CEP85L: variants seen among roughly 807,000 people sequenced by gnomAD.
CEP85L encodes the protein centrosomal protein of 85 kDa-like.
CEP85L carries 60 observed loss-of-function variants against 100.3 expected under a neutral mutation model. That is an observed-to-expected ratio of 0.60 (90% CI 0.49 to 0.74). The LOEUF (loss-of-function observed/expected upper bound fraction) is 0.74, where lower values mean the gene tolerates loss of function less well. CEP85L is among the 30% of genes least tolerant of loss of function. The pLI, the probability that CEP85L is intolerant of heterozygous loss-of-function variation, is 0.00. For missense variants in CEP85L, 973 were observed against 936.2 expected (o/e 1.04, Z -0.51); for synonymous variants, 319 against 322.7 (o/e 0.99, Z 0.12).
chr6:118,565,993 T>C lies in CEP85L; in HGVS notation c.556A>G (p.Ile186Val), dbSNP rs769720109. The change falls in exon 3 of 13, where the codon ATA becomes GTA. Residue 186 changes from isoleucine (I) to valine (V), a missense_variant. By Grantham distance (29) the Ile-to-Val change is conservative. This residue lies in a region of CEP85L where 890 missense variants were observed against 844.5 expected (regional missense o/e 1.05). Coordinates refer to ENST00000368491, the MANE Select transcript of CEP85L (RefSeq NM_001042475.3). ...GATGTTAAAGCCTTAGCCTTCCCTA[T>C]CTTCTCCAAACCATTCCTTGACTCT... ...REESRNGLEKIGKAKALTSQL... is the reference protein window; with the variant it reads ...REESRNGLEKVGKAKALTSQL... 3.2e-5 allele frequency: 51 copies of C among 1,614,104 alleles called. No homozygotes were observed. In the South Asian group the frequency reaches 5.5e-4, roughly 17 times the overall value.
chr6:118,660,548 A>G (rs1431423850), intron 1 of CEP85L, among the ~76,000 whole-genome samples: 1 of 152,234 alleles, frequency 6.6e-6, no homozygotes, highest in Non-Finnish European at 1.5e-5. Context: ...AAAGAGCCAG[A>G]TAACTTTCCC....
chr6:118,643,884 C>G (rs184135866), intron 1 of CEP85L, among the ~76,000 whole-genome samples: 29 of 152,326 alleles, frequency 1.9e-4, no homozygotes, highest in African/African-American at 6.7e-4. Flanking sequence ...CTGGTCAAGA[C>G]TTGGCCACTG....
intron 2 of CEP85L, among the ~76,000 whole-genome samples, chr6:118,582,489 G>A (rs1397340282): frequency 6.6e-6 from 1 of 152,190 alleles, no homozygotes; most frequent in Non-Finnish European, 1.5e-5. Context: ...AGGAGAAAAA[G>A]AGGAGACAAG....
chr6:118,473,416 G>T (rs1434536540), intron 10 of CEP85L, among the ~76,000 whole-genome samples: 2 of 152,102 alleles, frequency 1.3e-5, no homozygotes, highest in African/African-American at 4.8e-5. Flanking sequence ...AAGGTTCTGG[G>T]ACAGATGGTG....
chr6:118,553,169 T>C (rs1778649217), intron 3 of CEP85L, among the ~76,000 whole-genome samples: 1 of 151,388 alleles, frequency 6.6e-6, no homozygotes, highest in South Asian at 2.1e-4. Context: ...TTTGTATGCT[T>C]TCCATCGAAA....
chr6:118,606,270 C>T (rs972124198), intron 2 of CEP85L, among the ~76,000 whole-genome samples: 1 of 152,134 alleles, frequency 6.6e-6, no homozygotes, highest in African/African-American at 2.4e-5. Flanking sequence ...ATATTTCTAG[C>T]TTCTGAACTT....
At chr6:118,646,795 T>C in intron 1 of CEP85L, 1 of 330,738 alleles carries the variant, frequency 3.0e-6, no homozygotes, top group Non-Finnish European at 4.3e-6. Flanking sequence ...TCATCATCTT[T>C]TCAGAGTATA....
At chr6:118,519,248 G>A (rs1263101674) in intron 4 of CEP85L, among the ~76,000 whole-genome samples, 1 of 152,066 alleles carries the variant, frequency 6.6e-6, no homozygotes, top group Non-Finnish European at 1.5e-5. Flanking sequence ...GAGGTCAGAA[G>A]TTCGAGACCA....
At chr6:118,650,216 T>C (rs960677703) in intron 1 of CEP85L, among the ~76,000 whole-genome samples, 3 of 152,186 alleles carry the variant, frequency 2.0e-5, no homozygotes, top group Admixed American at 6.5e-5. Flanking sequence ...TTTGCGTATG[T>C]ATATATGGCA....
chr6:118,677,274 A>G (rs1776513475), intron 1 of CEP85L, among the ~76,000 whole-genome samples: 1 of 152,226 alleles, frequency 6.6e-6, no homozygotes, highest in African/African-American at 2.4e-5. Flanking sequence ...AAGGCAAGAA[A>G]GCTAGACAGC....
At position 118,465,397 on chromosome 6, in the gene CEP85L, ACACTTGAT is replaced by A. The variant is rs1468094536; in HGVS notation, c.2418_*7del. 40 of 1,611,514 alleles carry A rather than the reference ACACTTGAT, an allele frequency of 2.5e-5. No individual in the cohort carries two copies. The highest frequency in any genetic ancestry group is 3.4e-5 in the Non-Finnish European group (40 of 1,178,558). ...ACAGGTCATTATTGCTGTGGGACTA[ACACTTGAT>A]CACTGAGTAATGCAGTTGTCTCCCA... is the stretch of plus-strand genomic sequence containing the variant. On this transcript the variant is annotated stop_lost and 3_prime_UTR_variant, in exon 13 of 13. Transcript: ENST00000368491.
intron 2 of CEP85L, among the ~76,000 whole-genome samples, chr6:118,591,131 G>A (rs1439979201): frequency 2.0e-5 from 3 of 152,146 alleles, no homozygotes; most frequent in African/African-American, 7.2e-5. Context: ...AGGTAAAACT[G>A]AGGTCCATAA....
chr6:118,600,322 T>C (rs952221908), intron 2 of CEP85L, among the ~76,000 whole-genome samples: 4 of 105,510 alleles, frequency 3.8e-5, no homozygotes, highest in African/African-American at 1.4e-4. Flanking sequence ...TGTGTGTGTG[T>C]GTGTGTGTGT....
At chr6:118,645,744 G>C (rs1312505421) in intron 1 of CEP85L, among the ~76,000 whole-genome samples, 1 of 152,196 alleles carries the variant, frequency 6.6e-6, no homozygotes, top group African/African-American at 2.4e-5. Flanking sequence ...AGCCTCCGTA[G>C]AGCAAGAACC....
At chr6:118,553,085 C>T (rs546028450) in intron 3 of CEP85L, among the ~76,000 whole-genome samples, 2 of 151,670 alleles carry the variant, frequency 1.3e-5, no homozygotes, top group East Asian at 3.9e-4. Flanking sequence ...TCAGAAAATC[C>T]CAAAACTATT....
intron 1 of CEP85L, among the ~76,000 whole-genome samples, chr6:118,642,522 G>A (rs568182882): frequency 2.6e-5 from 4 of 152,306 alleles, no homozygotes; most frequent in African/African-American, 9.6e-5. Context: ...CTTTCACTCA[G>A]CTAAAATAAG....
At position 118,520,526 on chromosome 6, in the gene CEP85L, T is replaced by C. The variant is rs539195113; in HGVS notation, c.1139+3276A>G. 5.3e-5 allele frequency among the ~76,000 whole-genome samples: 8 copies of C among 152,342 alleles called. 1 individual carries two copies. The South Asian group carries it at 1.7e-3, about 32-fold the overall frequency. On this transcript the variant is annotated intron_variant, in intron 4 of 12. Coordinates refer to ENST00000368491, the MANE Select transcript of CEP85L (RefSeq NM_001042475.3). Reference sequence around the variant, plus strand: ...TTAGCATATCCATCATCTCAACCTTTATCATTTCTTTGTGCTGTTAACATT... The same window carrying C: ...TTAGCATATCCATCATCTCAACCTTCATCATTTCTTTGTGCTGTTAACATT...
chr6:118,606,234 C>T (rs993740993), intron 2 of CEP85L, among the ~76,000 whole-genome samples: 1 of 152,084 alleles, frequency 6.6e-6, no homozygotes, highest in African/African-American at 2.4e-5. Context: ...CTCTTATTAC[C>T]TGACTTTAGC....
intron 10 of CEP85L, among the ~76,000 whole-genome samples, chr6:118,477,307 G>C (rs1773457295): frequency 1.3e-5 from 2 of 152,018 alleles, no homozygotes; most frequent in Non-Finnish European, 2.9e-5. Flanking sequence ...ACTTTTACAT[G>C]AAGTATTACT....
Sources: allele counts gnomAD v4.1 joint callset (sites outside exome capture counted in the v4.1 genomes callset), GRCh38; gene constraint gnomAD v4.1.1; regional missense constraint gnomAD v4.1.1; transcripts MANE v1.5; gene names NCBI Gene and HGNC (gene_info 2026-07-23, HGNC 2026-07-21).